Variants in CAVIN2 observed in about 807,000 individuals in gnomAD.
CAVIN2 encodes caveolae-associated protein 2.
Under a neutral mutation model 11.7 loss-of-function variants are expected in CAVIN2, and 13 were observed. That is an observed-to-expected ratio of 1.11 (90% CI 0.72 to 1.77). The LOEUF (loss-of-function observed/expected upper bound fraction) is 1.77. Among genes scored for constraint, CAVIN2 ranks in the 40% most tolerant of loss-of-function variants. The pLI is 0.00. For synonymous variants in CAVIN2, 237 were observed against 223.2 expected, an observed-to-expected ratio of 1.06 and a Z score of -0.55; for missense variants, 549 against 542.9, an observed-to-expected ratio of 1.01 and a Z score of -0.11.
At chr2:191,838,668 G>A (rs566079132) in intron 1 of CAVIN2, among the ~76,000 whole-genome samples, 3 of 152,278 alleles carry the variant, frequency 2.0e-5, no homozygotes, top group East Asian at 1.9e-4. Context: ...CTGCTTTCCC[G>A]TGTTTCAAGT....
In CAVIN2 at chr2:191,835,756, A is replaced by C; in HGVS notation, c.*167T>G. ...GTGGAGTCCGTGACAGGTCGCTTTC[A>C]TGGTAAAGCCTGGTCTCGTGTGTCT... On this transcript the variant is annotated 3_prime_UTR_variant, in exon 2 of 2. Transcript: ENST00000304141. The C allele has an allele frequency of 1.5e-6, 1 of 647,618 alleles. No individual in the cohort carries two copies. The allele number at this position is 647,618 out of a possible 1,614,324, so 40.1% of individuals were successfully genotyped here.
At chr2:191,845,001 C>A (rs1273520329) in intron 1 of CAVIN2, among the ~76,000 whole-genome samples, 1 of 152,084 alleles carries the variant, frequency 6.6e-6, no homozygotes, top group Non-Finnish European at 1.5e-5. Flanking sequence ...GTTTGGAGAT[C>A]AGTATTTAAT....
rs1308704716 is a variant in CAVIN2, at chr2:191,836,572, T to C, written c.629A>G (p.His210Arg). Residue 210 changes from histidine (H) to arginine (R), a missense_variant, in exon 2 of 2, where the codon CAC becomes CGC. Physicochemically the swap from His to Arg is conservative, Grantham distance 29. Transcript: ENST00000304141. ...ACTGTCTTCCAGGGCCTCCTCATCG[T>C]GGGGCAAATCATCATCTGAGGAGAG... ...VDLSSDDDLPHDEEALEDSAE... is the reference protein window; with the variant it reads ...VDLSSDDDLPRDEEALEDSAE... The C allele has an allele frequency of 3.1e-6, 5 of 1,614,136 alleles. No individual in the cohort carries two copies. The highest frequency in any genetic ancestry group is 2.5e-6 in the Non-Finnish European group (3 of 1,180,024).
chr2:191,844,432 G>A (rs1022861863), intron 1 of CAVIN2, among the ~76,000 whole-genome samples: 8 of 152,196 alleles, frequency 5.3e-5, no homozygotes, highest in Middle Eastern at 3.4e-3. Context: ...GATCTTACAC[G>A]GCTTAAGAAA....
rs767514926 is a variant in CAVIN2 at position 191,836,544 on chromosome 2, G to A, written c.657C>T (p.Ala219=). ...CCCTACTTTCTTCCACCTTTTCCTC[G>A]GCACTGTCTTCCAGGGCCTCCTCAT... ...PHDEEALEDS[A]EEKVEESRAE... The change falls in exon 2 of 2, where the codon GCC becomes GCT. Residue 219 remains alanine (A), a synonymous_variant. Coordinates refer to ENST00000304141, the MANE Select transcript of CAVIN2 (RefSeq NM_004657.6). 27 of 1,613,612 alleles carry A rather than the reference G, an allele frequency of 1.7e-5. No individual in the cohort carries two copies. The highest frequency in any genetic ancestry group is 2.2e-5 in the East Asian group (1 of 44,872).
In CAVIN2 at chr2:191,836,648, C is replaced by G; in HGVS notation, c.553G>C (p.Glu185Gln). 6.2e-7 allele frequency: 1 copy of G among 1,614,046 alleles called. No homozygotes were observed. The highest frequency in any genetic ancestry group is 8.5e-7 in the Non-Finnish European group (1 of 1,179,984). Residue 185 changes from glutamate to glutamine, a missense_variant, in exon 2 of 2, where the codon GAG becomes CAG. Physicochemically the swap from Glu to Gln is conservative, Grantham distance 29 (BLOSUM62 2). Coordinates refer to ENST00000304141, the MANE Select transcript of CAVIN2 (RefSeq NM_004657.6). ...PVSGAVEGKE[E>Q]LPDENKSLEE... The stretch of plus-strand genomic sequence containing the variant: ...AGGGATTTGTTTTCATCCGGAAGCT[C>G]CTCCTTCCCTTCCACGGCACCGGAA...
Position 191,835,955 on chromosome 2 carries a change from G to A in CAVIN2, c.1246C>T (p.Pro416Ser). Reference protein sequence around the residue: ...AERSDGDPVQPAVLQVHQTS With the variant: ...AERSDGDPVQSAVLQVHQTS Reference sequence around the variant, plus strand: ...GTCTGGTGCACCTGGAGCACGGCGGGCTGCACGGGGTCCCCATCGGAGCGC... The same window carrying A: ...GTCTGGTGCACCTGGAGCACGGCGGACTGCACGGGGTCCCCATCGGAGCGC... Residue 416 changes from proline to serine, a missense_variant, in exon 2 of 2, where the codon CCC becomes TCC. Coordinates refer to ENST00000304141, the MANE Select transcript of CAVIN2 (RefSeq NM_004657.6). 1.2e-6 allele frequency: 2 copies of A among 1,613,662 alleles called. No individual in the cohort carries two copies. The highest frequency in any genetic ancestry group is 1.7e-6 in the Non-Finnish European group (2 of 1,179,992).
At chr2:191,840,542 G>A (rs1470504485) in intron 1 of CAVIN2, among the ~76,000 whole-genome samples, 2 of 152,172 alleles carry the variant, frequency 1.3e-5, no homozygotes, top group African/African-American at 4.8e-5. Context: ...GCATAAAAAT[G>A]AATGGAAAGA....
intron 1 of CAVIN2, among the ~76,000 whole-genome samples, chr2:191,845,925 C>A (rs578251652): frequency 6.6e-6 from 1 of 152,186 alleles, no homozygotes; most frequent in African/African-American, 2.4e-5. Context: ...GGAATCAATC[C>A]TCTATTTGAT....
chr2:191,836,719 T>C lies in CAVIN2; in HGVS notation c.484-2A>G, dbSNP rs1051147857. The C allele has an allele frequency of 2.5e-6, 4 of 1,610,286 alleles. No individual in the cohort carries two copies. Among genetic ancestry groups the C allele is most frequent in the Admixed American group, 3.4e-5 (2 of 59,598 alleles). On this transcript the variant is annotated splice_acceptor_variant, in intron 1 of 1. Transcript: ENST00000304141. LOFTEE classifies it high-confidence loss of function. Reference sequence around the variant, plus strand: ...GCTGGCAGGGATCTCATTTTCCTCCTGAAAAGACGGACAATGTAGGTTTCA... The same window carrying C: ...GCTGGCAGGGATCTCATTTTCCTCCCGAAAAGACGGACAATGTAGGTTTCA...
chr2:191,838,851 C>T (rs557378603), intron 1 of CAVIN2, among the ~76,000 whole-genome samples: 1 of 152,140 alleles, frequency 6.6e-6, no homozygotes, highest in Non-Finnish European at 1.5e-5. Flanking sequence ...GGAGATTGCC[C>T]CTCTTTTGGG....
chr2:191,846,434 G>T lies in CAVIN2; in HGVS notation c.483+9C>A, dbSNP rs754653846. The stretch of plus-strand genomic sequence containing the variant: ...AGCCCGCCTGTAAGGAGGCATAGGG[G>T]GAACTGACCTGGAAGATGAGCACTT... On this transcript the variant is annotated intron_variant, in intron 1 of 1. Transcript: ENST00000304141. 7 of 1,605,816 alleles carry T rather than the reference G, an allele frequency of 4.4e-6. No individual in the cohort carries two copies. In the African/African-American group the frequency reaches 6.7e-5, roughly 15 times the overall value.
intron 1 of CAVIN2, among the ~76,000 whole-genome samples, chr2:191,846,220 G>A (rs1559031205): frequency 6.6e-6 from 1 of 152,200 alleles, no homozygotes; most frequent in African/African-American, 2.4e-5. Context: ...TACTAAGCCC[G>A]GGGACATCTT....
At chr2:191,842,750 C>T (rs764187360) in intron 1 of CAVIN2, among the ~76,000 whole-genome samples, 3 of 152,178 alleles carry the variant, frequency 2.0e-5, no homozygotes, top group Non-Finnish European at 4.4e-5. Flanking sequence ...GTTTTAGACA[C>T]TACTGGTTAT....
rs1690029064 is a variant in CAVIN2, at chr2:191,836,780, C to T, written c.484-63G>A. 4 of 1,437,656 alleles carry T rather than the reference C, an allele frequency of 2.8e-6. No individual in the cohort carries two copies. The East Asian group carries it at 7.0e-5, about 25-fold the overall frequency. The allele number at this position is 1,437,656 out of a possible 1,614,324, so 89.1% of individuals were successfully genotyped here. A position where few individuals can be genotyped will look rare whatever the true frequency, so the allele number is the denominator to read the frequency against. On this transcript the variant is annotated intron_variant, in intron 1 of 1. Transcript: ENST00000304141. ...ATATTTCACAAATAGTCCTGAGCTG[C>T]TGTAATACGTGTGTCTGTTTTGGAG...
In CAVIN2 at chr2:191,846,605, G is replaced by C; in HGVS notation, c.321C>G (p.Thr107=). ...CCAGCAGCTTGCTCACCGTGTTGCTGGTGGAGGCCTGGTACTTGGAGAGCT... is the reference window on the plus strand; with the variant it reads ...CCAGCAGCTTGCTCACCGTGTTGCTCGTGGAGGCCTGGTACTTGGAGAGCT... ...LTKLSKYQAS[T]SNTVSKLLEK... Residue 107 remains threonine, a synonymous_variant, in exon 1 of 2, where the codon ACC becomes ACG. Transcript: ENST00000304141. 1 of 1,614,276 alleles carries C rather than the reference G, an allele frequency of 6.2e-7. No homozygotes were observed. The highest frequency in any genetic ancestry group is 8.5e-7 in the Non-Finnish European group (1 of 1,180,058).
intron 1 of CAVIN2, among the ~76,000 whole-genome samples, chr2:191,840,026 A>G (rs1690072168): frequency 6.6e-6 from 1 of 152,210 alleles, no homozygotes; most frequent in South Asian, 2.1e-4. Flanking sequence ...TGGATGCTGG[A>G]TAACTGCCCT....
chr2:191,846,664 C>G lies in CAVIN2; in HGVS notation c.262G>C (p.Gly88Arg), dbSNP rs751129338. The change falls in exon 1 of 2, where the codon GGC (glycine) becomes CGC (arginine). Residue 88 changes from glycine (G) to arginine (R), a missense_variant. By Grantham distance (125) the Gly-to-Arg change is moderately radical. Coordinates refer to ENST00000304141, the MANE Select transcript of CAVIN2 (RefSeq NM_004657.6). ...KMEQRQISLE[G>R]SVKGIQNDLT... is the part of the protein sequence containing the mutation. Reference sequence around the variant, plus strand: ...TCATTCTGGATGCCCTTCACGGAGCCCTCCAAACTGATCTGTCGCTGCTCC... The same window carrying G: ...TCATTCTGGATGCCCTTCACGGAGCGCTCCAAACTGATCTGTCGCTGCTCC... 6.2e-7 allele frequency: 1 copy of G among 1,614,210 alleles called. No homozygotes were observed. The highest frequency in any genetic ancestry group is 8.5e-7 in the Non-Finnish European group (1 of 1,180,034).
At chr2:191,841,606 T>A (rs984680056) in intron 1 of CAVIN2, among the ~76,000 whole-genome samples, 6 of 152,312 alleles carry the variant, frequency 3.9e-5, no homozygotes, top group Admixed American at 2.0e-4. Context: ...CAGAGTTGAT[T>A]CCATAGTGTA....
Sources: gnomAD v4.1 joint callset for allele counts (sites outside exome capture counted in the v4.1 genomes callset) on GRCh38, gnomAD v4.1.1 for gene constraint, MANE v1.5 for transcripts, NCBI Gene and HGNC (gene_info 2026-07-23, HGNC 2026-07-21) for gene names.